Variants in KCNMB2 observed in about 807,000 individuals in gnomAD.
The protein encoded by KCNMB2 is potassium calcium-activated channel subfamily M regulatory beta subunit 2.
KCNMB2 carries 9 observed loss-of-function variants against 24.5 expected under a neutral mutation model. The ratio of observed to expected loss-of-function variants is 0.37; its 90% CI spans 0.22 to 0.64. KCNMB2 has a LOEUF of 0.64. Among genes scored for constraint, KCNMB2 ranks in the 30% least tolerant of loss-of-function variants. The probability of loss-of-function intolerance (pLI) is 0.63; values close to 1 mark genes in which losing one functional copy is unlikely to be tolerated. For missense variants in KCNMB2, 226 were observed against 284.3 expected, an observed-to-expected ratio of 0.79 and a Z score of 1.47; for synonymous variants, 109 against 104.4, an observed-to-expected ratio of 1.04 and a Z score of -0.27.
At chr3:178,716,663 G>A (rs896083516) in intron 1 of KCNMB2, among the ~76,000 whole-genome samples, 1 of 152,030 alleles carries the variant, frequency 6.6e-6, no homozygotes, top group Non-Finnish European at 1.5e-5. Context: ...GGCTGGTCTC[G>A]AACTCCTGAC....
chr3:178,709,755 T>C lies in KCNMB2; in HGVS notation c.-67-97588T>C, dbSNP rs544255957. On this transcript the variant is annotated intron_variant, in intron 1 of 4. Coordinates refer to ENST00000452583, the MANE Select transcript of KCNMB2 (RefSeq NM_181361.3). ...AAAAATTAACACATTAAGACACCAGTTTAGGCAATCCTGGTATTTGTTTCC... is the reference window on the plus strand; with the variant it reads ...AAAAATTAACACATTAAGACACCAGCTTAGGCAATCCTGGTATTTGTTTCC... 7.9e-4 allele frequency among the ~76,000 whole-genome samples: 121 copies of C among 152,290 alleles called. 1 individual carries two copies. Among genetic ancestry groups the C allele is most frequent in the South Asian group, 1.2e-3 (6 of 4,824 alleles).
intron 1 of KCNMB2, among the ~76,000 whole-genome samples, chr3:178,778,978 A>T (rs1008718834): frequency 6.6e-6 from 1 of 152,214 alleles, no homozygotes; most frequent in Non-Finnish European, 1.5e-5. Flanking sequence ...ATGGAATACA[A>T]GAAAATGTGT....
intron 1 of KCNMB2, among the ~76,000 whole-genome samples, chr3:178,698,787 T>C (rs985598081): frequency 5.9e-5 from 9 of 152,188 alleles, no homozygotes; most frequent in African/African-American, 2.2e-4. Flanking sequence ...TTTTTGGATT[T>C]TTTTCTTTTA....
intron 1 of KCNMB2, among the ~76,000 whole-genome samples, chr3:178,754,863 C>G (rs1039619779): frequency 1.3e-5 from 2 of 152,182 alleles, no homozygotes; most frequent in Non-Finnish European, 2.9e-5. Flanking sequence ...TTGTTTAGCA[C>G]GTTTGGCCCT....
At chr3:178,755,074 A>G (rs1189593429) in intron 1 of KCNMB2, among the ~76,000 whole-genome samples, 3 of 152,218 alleles carry the variant, frequency 2.0e-5, no homozygotes, top group African/African-American at 7.2e-5. Context: ...AGGAGTTGCT[A>G]ACACCAGCAG....
At chr3:178,561,308 G>T (rs2108464527) in intron 1 of KCNMB2, among the ~76,000 whole-genome samples, 1 of 152,278 alleles carries the variant, frequency 6.6e-6, no homozygotes, top group South Asian at 2.1e-4. Context: ...AATTTTTAGA[G>T]ATTACTGTAA....
chr3:178,783,063 G>T (rs1010341043), intron 1 of KCNMB2, among the ~76,000 whole-genome samples: 55 of 150,348 alleles, frequency 3.7e-4, no homozygotes, highest in African/African-American at 1.3e-3. Flanking sequence ...TTTCCCCATT[G>T]CTTGTTTTTC....
intron 1 of KCNMB2, among the ~76,000 whole-genome samples, chr3:178,787,878 C>G (rs913243433): frequency 2.0e-5 from 3 of 152,126 alleles, no homozygotes; most frequent in African/African-American, 4.8e-5. Context: ...GAAATTTTAT[C>G]TTCACCAATG....
intron 1 of KCNMB2, among the ~76,000 whole-genome samples, chr3:178,653,562 T>C (rs2108562263): frequency 6.6e-6 from 1 of 152,266 alleles, no homozygotes; most frequent in Middle Eastern, 3.4e-3. Context: ...ATGTAGCTTC[T>C]ATAGAGTTAA....
At chr3:178,718,339 A>G (rs1722685891) in intron 1 of KCNMB2, among the ~76,000 whole-genome samples, 1 of 152,126 alleles carries the variant, frequency 6.6e-6, no homozygotes, top group South Asian at 2.1e-4. Context: ...AAACAAGAAA[A>G]TCTTACCAAG....
intron 1 of KCNMB2, among the ~76,000 whole-genome samples, chr3:178,655,118 C>CTCTG (rs1720281633): frequency 6.6e-6 from 1 of 151,188 alleles, no homozygotes; most frequent in African/African-American, 2.4e-5. Flanking sequence ...CTCTCTCTCT[C>CTCTG]TCTCTCTCTC....
intron 2 of KCNMB2, among the ~76,000 whole-genome samples, chr3:178,811,590 C>A (rs900539271): frequency 6.6e-6 from 1 of 152,188 alleles, no homozygotes; most frequent in African/African-American, 2.4e-5. Context: ...CATGAACATA[C>A]TACCATTTAT....
rs1560118053 is a variant in KCNMB2 at position 178,582,201 on chromosome 3, T to C, written c.-68+45490T>C. Among the ~76,000 whole-genome samples, 5 of 152,338 alleles carry C rather than the reference T, an allele frequency of 3.3e-5. No individual in the cohort carries two copies. In the Middle Eastern group the frequency reaches 0.014, roughly 415 times the overall value. On this transcript the variant is annotated intron_variant, in intron 1 of 4. Coordinates refer to ENST00000452583, the MANE Select transcript of KCNMB2 (RefSeq NM_181361.3). ...CAACCATAAAAAAAGGATGAGTTCATGTCCTTTGCTGGGACATGGATGAAG... is the reference window on the plus strand; with the variant it reads ...CAACCATAAAAAAAGGATGAGTTCACGTCCTTTGCTGGGACATGGATGAAG...
intron 1 of KCNMB2, among the ~76,000 whole-genome samples, chr3:178,782,612 T>A (rs1712906056): frequency 1.4e-5 from 2 of 147,592 alleles, no homozygotes; most frequent in South Asian, 4.5e-4. Flanking sequence ...TCTGTTCATG[T>A]CCTTTGCCCA....
intron 1 of KCNMB2, among the ~76,000 whole-genome samples, chr3:178,759,616 C>CATAT (rs1711620183): frequency 8.6e-6 from 1 of 116,924 alleles, no homozygotes; most frequent in Non-Finnish European, 1.7e-5. Flanking sequence ...GATATATATA[C>CATAT]ATATATCTCT....
intron 1 of KCNMB2, among the ~76,000 whole-genome samples, chr3:178,777,304 G>A (rs554348222): frequency 1.3e-5 from 2 of 152,024 alleles, no homozygotes; most frequent in South Asian, 2.1e-4. Context: ...GTGTGATGAC[G>A]GGCGCCTGTA....
intron 1 of KCNMB2, among the ~76,000 whole-genome samples, chr3:178,586,962 T>C (rs1041011351): frequency 6.6e-6 from 1 of 152,210 alleles, no homozygotes; most frequent in African/African-American, 2.4e-5. Context: ...TTAATCCACC[T>C]GGACTAAAAT....
intron 1 of KCNMB2, among the ~76,000 whole-genome samples, chr3:178,593,801 T>C (rs1465766832): frequency 6.6e-6 from 1 of 150,932 alleles, no homozygotes; most frequent in African/African-American, 2.4e-5. Flanking sequence ...CTTAGATTCT[T>C]AAAATGCAAG....
At position 178,750,986 on chromosome 3, in the gene KCNMB2, T is replaced by C. The variant is rs115657050; in HGVS notation, c.-67-56357T>C. 6.7e-3 allele frequency among the ~76,000 whole-genome samples: 1,013 copies of C among 152,292 alleles called. 17 individuals are homozygous for C. Among genetic ancestry groups the C allele is most frequent in the African/African-American group, 0.023 (959 of 41,554 alleles). On this transcript the variant is annotated intron_variant, in intron 1 of 4. Transcript: ENST00000452583. ...AGGAGTAGATTAATCTACCCCCAGATATTAAAAAACATTCTCAGATATGCT... is the reference window on the plus strand; with the variant it reads ...AGGAGTAGATTAATCTACCCCCAGACATTAAAAAACATTCTCAGATATGCT...
Sources: allele counts gnomAD v4.1 joint callset (sites outside exome capture counted in the v4.1 genomes callset), GRCh38; gene constraint gnomAD v4.1.1; transcripts MANE v1.5; gene names NCBI Gene and HGNC (gene_info 2026-07-23, HGNC 2026-07-21).